Variants in GDPD5 observed in about 807,000 individuals in gnomAD.
GDPD5 encodes glycerophosphodiester phosphodiesterase 2.
In GDPD5, 48 loss-of-function variants were observed where a neutral mutation model predicts 75.1. The ratio of observed to expected loss-of-function variants is 0.64; its 90% CI spans 0.51 to 0.81. GDPD5 has a LOEUF of 0.81. Among genes scored for constraint, GDPD5 ranks in the 40% least tolerant of loss-of-function variants. GDPD5 has a pLI of 0.00. For missense variants in GDPD5, 706 were observed against 822.6 expected, an observed-to-expected ratio of 0.86 and a Z score of 1.73; for synonymous variants, 336 against 339.0, an observed-to-expected ratio of 0.99 and a Z score of 0.10.
chr11:75,469,002 C>T (rs1038990807), intron 3 of GDPD5, among the ~76,000 whole-genome samples: 13 of 152,210 alleles, frequency 8.5e-5, no homozygotes, highest in South Asian at 2.1e-4. Flanking sequence ...AATCCAGGAT[C>T]GTTCCTGTAA....
In GDPD5 at chr11:75,435,515, C is replaced by A; in HGVS notation, c.1810G>T (p.Gly604Trp). The A allele has an allele frequency of 6.2e-7, 1 of 1,605,808 alleles. No homozygotes were observed. Among genetic ancestry groups the A allele is most frequent in the Non-Finnish European group, 8.5e-7 (1 of 1,176,220 alleles). ...GACAGACATGTCTTCAGCTAACGCC[C>A]ACTCCGCTCTATGAGGGTCTTGGTG... ...SHTKTLIERSGR is the reference protein window; with the variant it reads ...SHTKTLIERSWR Residue 604 changes from glycine (G) to tryptophan (W), a missense_variant, in exon 17 of 17, where the codon GGG (glycine) becomes TGG (tryptophan). Physicochemically the swap from Gly to Trp is radical, Grantham distance 184. Transcript: ENST00000336898.
chr11:75,512,902 A>G (rs1555017542), intron 1 of GDPD5, among the ~76,000 whole-genome samples: 1 of 152,198 alleles, frequency 6.6e-6, no homozygotes, highest in Non-Finnish European at 1.5e-5. Flanking sequence ...AGAAAGAAAG[A>G]AAGAAGTCTT....
intron 3 of GDPD5, among the ~76,000 whole-genome samples, chr11:75,466,110 G>C (rs1317264451): frequency 6.6e-6 from 1 of 152,218 alleles, no homozygotes; most frequent in Admixed American, 6.5e-5. Context: ...GTGGTGGTTG[G>C]GGGTGAGGCA....
chr11:75,483,564 C>A (rs1949964309), intron 2 of GDPD5, among the ~76,000 whole-genome samples: 1 of 152,178 alleles, frequency 6.6e-6, no homozygotes, highest in Non-Finnish European at 1.5e-5. Context: ...AGCCTGGTCA[C>A]CCTCAACTGA....
In GDPD5 at chr11:75,435,183, G is replaced by T; in HGVS notation, c.*324C>A. 1 of 229,080 alleles carries T rather than the reference G, an allele frequency of 4.4e-6. No homozygotes were observed. 14.2% of individuals were successfully genotyped at this position (229,080 alleles called of 1,614,324 possible). A position where few individuals can be genotyped will look rare whatever the true frequency, so the allele number is the denominator to read the frequency against. ...CACACTCCATTGCCACAGGGGGTAT[G>T]GCATGGCCCATGACCCATCAAAGCT... On this transcript the variant is annotated 3_prime_UTR_variant, in exon 17 of 17. Transcript: ENST00000336898.
intron 3 of GDPD5, among the ~76,000 whole-genome samples, chr11:75,475,500 A>AG: frequency 6.6e-6 from 1 of 152,304 alleles, no homozygotes; most frequent in Non-Finnish European, 1.5e-5. Context: ...TCGTTGTGAG[A>AG]GTCCAGCCCC....
At position 75,449,568 on chromosome 11, in the gene GDPD5, T is replaced by G. The variant is rs1452348195; in HGVS notation, c.517A>C (p.Thr173Pro). ...CCTGCCACGATCCAGGAGAGCATGG[T>G]GACTGCTGCCACAGCCCCCACATGC... ...FLHVGAVAAVTMLSWIVAGQF... is the reference protein window; with the variant it reads ...FLHVGAVAAVPMLSWIVAGQF... The change falls in exon 8 of 17, where the codon ACC becomes CCC. Residue 173 changes from threonine (T) to proline (P), a missense_variant. Thr to Pro is a conservative substitution (Grantham distance 38). Coordinates refer to ENST00000336898, the MANE Select transcript of GDPD5 (RefSeq NM_030792.8). 1.3e-6 allele frequency: 2 copies of G among 1,589,576 alleles called. No homozygotes were observed. The highest frequency in any genetic ancestry group is 1.7e-6 in the Non-Finnish European group (2 of 1,168,472).
intron 3 of GDPD5, among the ~76,000 whole-genome samples, chr11:75,474,068 C>G (rs1258068767): frequency 6.6e-6 from 1 of 152,228 alleles, no homozygotes; most frequent in African/African-American, 2.4e-5. Flanking sequence ...TGGTGTGGAA[C>G]AGATGAGAAG....
intron 1 of GDPD5, among the ~76,000 whole-genome samples, chr11:75,505,347 C>A (rs1472198467): frequency 6.6e-6 from 1 of 151,690 alleles, no homozygotes; most frequent in Non-Finnish European, 1.5e-5. Context: ...CCCAGCCCCA[C>A]CCCCAGCCCT....
At chr11:75,518,484 G>A (rs1950689413) in intron 1 of GDPD5, among the ~76,000 whole-genome samples, 1 of 152,164 alleles carries the variant, frequency 6.6e-6, no homozygotes. Flanking sequence ...CTGATGCCTG[G>A]GTCATGCCCC....
At chr11:75,475,007 T>C (rs1009614212) in intron 3 of GDPD5, among the ~76,000 whole-genome samples, 1 of 152,240 alleles carries the variant, frequency 6.6e-6, no homozygotes, top group Non-Finnish European at 1.5e-5. Flanking sequence ...GATTTCTCCA[T>C]CTGTAAAATG....
At chr11:75,498,717 C>T (rs1950254737) in intron 1 of GDPD5, among the ~76,000 whole-genome samples, 2 of 152,196 alleles carry the variant, frequency 1.3e-5, no homozygotes, top group Non-Finnish European at 2.9e-5. Context: ...AGCAGTGGAG[C>T]ACAGTGGGGC....
At chr11:75,496,767 T>TGTTCTTTC (rs1565213315) in intron 1 of GDPD5, among the ~76,000 whole-genome samples, 1 of 129,008 alleles carries the variant, frequency 7.8e-6, no homozygotes. Context: ...TTTTTTTTTC[T>TGTTCTTTC]TTTCTTTCTT....
intron 3 of GDPD5, among the ~76,000 whole-genome samples, chr11:75,474,428 C>A (rs1949736632): frequency 6.6e-6 from 1 of 152,200 alleles, no homozygotes; most frequent in Non-Finnish European, 1.5e-5. Flanking sequence ...GAGTCACAGA[C>A]AACAACCAAT....
At chr11:75,439,420 G>A (rs2135133283) in intron 15 of GDPD5, 1 of 453,342 alleles carries the variant, frequency 2.2e-6, no homozygotes, top group East Asian at 6.9e-5. Context: ...GCGCCGATCA[G>A]AGCAGGATGG....
rs547769831 is a variant in GDPD5 at position 75,441,659 on chromosome 11, G to A, written c.1312C>T (p.Arg438Cys). 49 of 1,586,242 alleles carry A rather than the reference G, an allele frequency of 3.1e-5. No homozygotes were observed. Among genetic ancestry groups the A allele is most frequent in the East Asian group, 1.2e-4 (5 of 43,380 alleles). ...RLNLRYTQVS[R>C]QELRDYASWN... ...CAGGGCAGGCACCTGAGCTCCTGGC[G>A]GGACACCTGAGTGTAGCGCAGGTTC... The change falls in exon 13 of 17, where the codon CGC (arginine) becomes TGC (cysteine). Residue 438 changes from arginine to cysteine, a missense_variant. By Grantham distance (180) the Arg-to-Cys change is radical (BLOSUM62 -3). Coordinates refer to ENST00000336898, the MANE Select transcript of GDPD5 (RefSeq NM_030792.8).
chr11:75,463,797 C>T (rs1046981174), intron 3 of GDPD5, among the ~76,000 whole-genome samples: 5 of 151,662 alleles, frequency 3.3e-5, no homozygotes, highest in African/African-American at 1.2e-4. Flanking sequence ...AGGAGTGTGG[C>T]CCCCTGACCT....
chr11:75,515,545 C>T (rs1950620606), intron 1 of GDPD5, among the ~76,000 whole-genome samples: 1 of 152,234 alleles, frequency 6.6e-6, no homozygotes, highest in African/African-American at 2.4e-5. Context: ...ACCCTCTGAA[C>T]TCAGAGTGGC....
chr11:75,525,028 C>G (rs1047964413), intron 1 of GDPD5, among the ~76,000 whole-genome samples, 182 bp downstream of exon 1: 2 of 152,140 alleles, frequency 1.3e-5, no homozygotes, highest in African/African-American at 4.8e-5. Flanking sequence ...CGGGGCAGGG[C>G]GCGAACCCGC....
Sources: gnomAD v4.1 joint callset for allele counts (sites outside exome capture counted in the v4.1 genomes callset) on GRCh38, gnomAD v4.1.1 for gene constraint, MANE v1.5 for transcripts, NCBI Gene and HGNC (gene_info 2026-07-23, HGNC 2026-07-21) for gene names.